The following CAMK2B variants were observed in gnomAD, a reference collection of about 807,000 sequenced individuals.
CAMK2B encodes the protein calcium/calmodulin-dependent protein kinase type II subunit beta.
Under a neutral mutation model 93.7 loss-of-function variants are expected in CAMK2B, and 27 were observed. The ratio of observed to expected loss-of-function variants is 0.29; its 90% CI spans 0.21 to 0.40. The LOEUF (loss-of-function observed/expected upper bound fraction) is 0.40. Ranked by LOEUF, CAMK2B falls within the 10% of genes least tolerant of loss-of-function variation. The probability of loss-of-function intolerance (pLI) is 1.00; values close to 1 mark genes in which losing one functional copy is unlikely to be tolerated. For missense variants in CAMK2B, 568 were observed against 895.8 expected (o/e 0.63, Z 4.67); for synonymous variants, 374 against 358.8 (o/e 1.04, Z -0.48).
At chr7:44,220,942 CA>C (rs1562766871) in intron 20 of CAMK2B, 41 bp from the exon 21 acceptor site, 1 of 1,527,300 alleles carries the variant, frequency 6.5e-7, no homozygotes, top group Admixed American at 2.0e-5. Context: ...GGCGCTGGCC[CA>C]TTCCCCCCGG....
At chr7:44,232,700 G>A (rs2096590911) in intron 16 of CAMK2B, 122 bp downstream of exon 16, 1 of 818,782 alleles carries the variant, frequency 1.2e-6, no homozygotes, top group Non-Finnish European at 1.9e-6. Context: ...CGTACTGCGG[G>A]GAGGGGCGGC....
At chr7:44,323,729 A>G (rs1796746992) in intron 1 of CAMK2B, 1 of 154,946 alleles carries the variant, frequency 6.5e-6, no homozygotes, top group East Asian at 1.9e-4. Context: ...CAGAAAAGAC[A>G]ACAAGAAGGC....
chr7:44,245,054 G>A, intron 6 of CAMK2B: 1 of 445,242 alleles, frequency 2.2e-6, no homozygotes, highest in Non-Finnish European at 4.5e-6. Context: ...GTCAGGGGCT[G>A]CATTTCTCCA....
intron 1 of CAMK2B, among the ~76,000 whole-genome samples, chr7:44,306,788 G>A (rs1289485350): frequency 6.7e-6 from 1 of 149,332 alleles, no homozygotes; most frequent in Non-Finnish European, 1.5e-5. Context: ...GGGGAGGAGG[G>A]TGTGGGCAGG....
chr7:44,302,565 C>T (rs908014410), intron 1 of CAMK2B, among the ~76,000 whole-genome samples: 8 of 152,088 alleles, frequency 5.3e-5, no homozygotes, highest in East Asian at 1.9e-4. Flanking sequence ...CATGATCATG[C>T]GGGATTTATC....
At chr7:44,264,553 T>G (rs2096907314) in intron 2 of CAMK2B, among the ~76,000 whole-genome samples, 1 of 152,190 alleles carries the variant, frequency 6.6e-6, no homozygotes. Context: ...CGAGAGGGAT[T>G]CAGAGGGATC....
chr7:44,270,110 G>A (rs1437867472), intron 2 of CAMK2B, among the ~76,000 whole-genome samples: 7 of 149,690 alleles, frequency 4.7e-5, no homozygotes, highest in Non-Finnish European at 7.4e-5. Context: ...GCCTCACCCC[G>A]AGGGAGGTTG....
chr7:44,270,517 C>A (rs767381120), intron 2 of CAMK2B, among the ~76,000 whole-genome samples: 9 of 152,356 alleles, frequency 5.9e-5, no homozygotes, highest in Admixed American at 4.6e-4. Context: ...GCTGAAGGTG[C>A]TGTGATGTCA....
At chr7:44,313,380 G>A (rs971117639) in intron 1 of CAMK2B, among the ~76,000 whole-genome samples, 3 of 151,708 alleles carry the variant, frequency 2.0e-5, no homozygotes, top group Admixed American at 6.6e-5. Context: ...GCACCCCTGA[G>A]GCCCACCTCA....
intron 1 of CAMK2B, among the ~76,000 whole-genome samples, chr7:44,300,124 C>T (rs1002882001): frequency 1.3e-5 from 2 of 151,774 alleles, no homozygotes; most frequent in African/African-American, 4.8e-5. Flanking sequence ...ACAATCATGG[C>T]TCACTGCAGC....
intron 12 of CAMK2B, among the ~76,000 whole-genome samples, chr7:44,240,172 C>A (rs978964589): frequency 9.2e-5 from 14 of 152,136 alleles, no homozygotes; most frequent in African/African-American, 3.1e-4. Context: ...GGTCTGCCAG[C>A]GCCCTGGGCC....
intron 1 of CAMK2B, among the ~76,000 whole-genome samples, chr7:44,299,589 G>A (rs1292080373): frequency 2.6e-5 from 4 of 152,110 alleles, no homozygotes; most frequent in Admixed American, 2.0e-4. Context: ...GAATAATTTT[G>A]ATTAGCCAAA....
intron 12 of CAMK2B, 35 bp from the exon 13 acceptor site, chr7:44,239,698 GGGGT>G: frequency 1.4e-6 from 2 of 1,462,324 alleles, no homozygotes; most frequent in Non-Finnish European, 1.9e-6. Flanking sequence ...GGGGAAGGGA[GGGGT>G]GGGCGGACAC....
rs141891199 is a variant in CAMK2B at position 44,243,281 on chromosome 7, C to T, written c.570G>A (p.Ala190=). 79 of 1,613,964 alleles carry T rather than the reference C, an allele frequency of 4.9e-5. No homozygotes were observed. Among genetic ancestry groups the T allele is most frequent in the African/African-American group, 2.3e-4 (17 of 75,048 alleles). Residue 190 remains alanine (A), a synonymous_variant, in exon 8 of 24, where the codon GCG becomes GCA. Transcript: ENST00000395749. ...CCCAGATGTCCACAGGCTTGCCATACGCCTCTTTGCGAAGGACCTCAGGGG... is the reference window on the plus strand; with the variant it reads ...CCCAGATGTCCACAGGCTTGCCATATGCCTCTTTGCGAAGGACCTCAGGGG... ...YLSPEVLRKE[A]YGKPVDIWAC...
At chr7:44,288,867 T>C (rs1785900109) in intron 1 of CAMK2B, among the ~76,000 whole-genome samples, 1 of 151,902 alleles carries the variant, frequency 6.6e-6, no homozygotes, top group African/African-American at 2.4e-5. Context: ...GATAATGGGG[T>C]GAAGGCCACC....
chr7:44,220,742 C>T lies in CAMK2B; in HGVS notation c.1674-32G>A, dbSNP rs1406633387. 11 of 1,588,216 alleles carry T rather than the reference C, an allele frequency of 6.9e-6. 1 individual carries two copies. The highest frequency in any genetic ancestry group is 3.3e-4 in the Middle Eastern group (2 of 6,044). ...GCCAAATCCAAGTGAGGAGGGGCCC[C>T]GTGGACCCCTGACTCTGAGCAGGCC... On this transcript the variant is annotated intron_variant, in intron 21 of 23. Coordinates refer to ENST00000395749, the MANE Select transcript of CAMK2B (RefSeq NM_001220.5).
chr7:44,256,300 C>T (rs1393793537), intron 4 of CAMK2B, among the ~76,000 whole-genome samples: 1 of 152,236 alleles, frequency 6.6e-6, no homozygotes, highest in Non-Finnish European at 1.5e-5. Flanking sequence ...TGTGTGGATG[C>T]CTGTGTGTGC....
In CAMK2B at chr7:44,285,731, G is replaced by A. The variant is rs895011110; in HGVS notation, c.66-1506C>T. 7.3e-5 allele frequency among the ~76,000 whole-genome samples: 11 copies of A among 150,832 alleles called. 1 individual carries two copies. The South Asian group carries it at 1.1e-3, about 14-fold the overall frequency. ...TGGGCGGCCACTGAGCTGCGTCTTC[G>A]CTTTTTAAAGTCAACCAGTGAACAG... On this transcript the variant is annotated intron_variant, in intron 1 of 23. Transcript: ENST00000395749.
rs1259295623 is a variant in CAMK2B, at chr7:44,228,222, G to A, written c.1468+574C>T. 2.6e-5 allele frequency among the ~76,000 whole-genome samples: 4 copies of A among 152,044 alleles called. No homozygotes were observed. In the East Asian group the frequency reaches 7.7e-4, roughly 29 times the overall value. The stretch of plus-strand genomic sequence containing the variant: ...GGCCTGGCCTGGCCCCATGAGGACA[G>A]CCCAGGTCAGCAGAGGCCAGGCTTA... On this transcript the variant is annotated intron_variant, in intron 19 of 23. Coordinates refer to ENST00000395749, the MANE Select transcript of CAMK2B (RefSeq NM_001220.5).
Sources: allele counts gnomAD v4.1 joint callset (sites outside exome capture counted in the v4.1 genomes callset), GRCh38; gene constraint gnomAD v4.1.1; transcripts MANE v1.5; gene names NCBI Gene and HGNC (gene_info 2026-07-23, HGNC 2026-07-21).